Variants in PTPRG observed in about 807,000 individuals in gnomAD.
The protein encoded by PTPRG is protein tyrosine phosphatase receptor type G.
In PTPRG, 102 loss-of-function variants were observed where a neutral mutation model predicts 165.3. That is an observed-to-expected ratio of 0.62 (90% CI 0.53 to 0.73). The LOEUF is 0.73. Among genes scored for constraint, PTPRG ranks in the 30% least tolerant of loss-of-function variants. The pLI is 0.00. For missense variants in PTPRG, 1,866 were observed against 1,861.4 expected, an observed-to-expected ratio of 1.00 and a Z score of -0.05; for synonymous variants, 675 against 669.5, an observed-to-expected ratio of 1.01 and a Z score of -0.13.
At chr3:61,897,771 A>G (rs2038395538) in intron 2 of PTPRG, among the ~76,000 whole-genome samples, 1 of 152,154 alleles carries the variant, frequency 6.6e-6, no homozygotes, top group South Asian at 2.1e-4. Flanking sequence ...AATTTTTAGC[A>G]TACAGATACT....
At chr3:61,611,179 GAGACTT>G (rs1230180969) in intron 1 of PTPRG, among the ~76,000 whole-genome samples, 1 of 152,154 alleles carries the variant, frequency 6.6e-6, no homozygotes, top group Admixed American at 6.5e-5. Context: ...TTAAAAGTAT[GAGACTT>G]AGAGCCAGTA....
At chr3:61,881,829 C>A (rs1387462186) in intron 2 of PTPRG, among the ~76,000 whole-genome samples, 1 of 152,208 alleles carries the variant, frequency 6.6e-6, no homozygotes, top group Non-Finnish European at 1.5e-5. Flanking sequence ...TGGAAAATCA[C>A]AGGCTCTGAT....
At chr3:62,135,916 G>C (rs533710523) in intron 6 of PTPRG, among the ~76,000 whole-genome samples, 78 of 152,312 alleles carry the variant, frequency 5.1e-4, no homozygotes, top group Middle Eastern at 6.8e-3. Context: ...CCCAGCTCTT[G>C]TTCCCCACCA....
At chr3:62,108,235 C>T (rs1199813587) in intron 5 of PTPRG, among the ~76,000 whole-genome samples, 12 of 151,736 alleles carry the variant, frequency 7.9e-5, no homozygotes, top group Non-Finnish European at 1.5e-4. Flanking sequence ...GTGATATTTC[C>T]CCGCTGTATC....
chr3:61,820,953 G>A (rs977042461), intron 2 of PTPRG, among the ~76,000 whole-genome samples: 4 of 151,582 alleles, frequency 2.6e-5, no homozygotes, highest in Non-Finnish European at 4.4e-5. Flanking sequence ...TTTTCATTAC[G>A]CCAAGCATTT....
intron 2 of PTPRG, among the ~76,000 whole-genome samples, chr3:61,945,947 G>A (rs1466427556): frequency 2.0e-5 from 3 of 152,200 alleles, no homozygotes; most frequent in East Asian, 1.9e-4. Context: ...AAACATCACT[G>A]GTGAAATGAG....
intron 2 of PTPRG, among the ~76,000 whole-genome samples, chr3:61,858,350 ACTT>A (rs1175831775): frequency 6.6e-6 from 1 of 152,190 alleles, no homozygotes; most frequent in Non-Finnish European, 1.5e-5. Flanking sequence ...AGTATTCCCA[ACTT>A]CTTCATTTTA....
intron 5 of PTPRG, among the ~76,000 whole-genome samples, chr3:62,107,969 T>C (rs1393346837): frequency 6.6e-6 from 1 of 152,132 alleles, no homozygotes; most frequent in Non-Finnish European, 1.5e-5. Flanking sequence ...ATTTATTACC[T>C]CTCAGTTACA....
At chr3:61,609,624 A>G (rs1394113455) in intron 1 of PTPRG, among the ~76,000 whole-genome samples, 2 of 152,092 alleles carry the variant, frequency 1.3e-5, no homozygotes, top group African/African-American at 4.8e-5. Context: ...CGTGAGGCCG[A>G]GTTGGGTGGA....
chr3:61,708,399 A>C (rs2031370783), intron 1 of PTPRG, among the ~76,000 whole-genome samples: 1 of 150,640 alleles, frequency 6.6e-6, no homozygotes, highest in Non-Finnish European at 1.5e-5. Flanking sequence ...TTAGCTCACC[A>C]AAACTTCTTA....
chr3:62,290,335 ATGTT>A (rs1347589377), intron 28 of PTPRG, among the ~76,000 whole-genome samples: 6 of 152,274 alleles, frequency 3.9e-5, no homozygotes, highest in East Asian at 3.9e-4. Context: ...CCCAACAAAA[ATGTT>A]TGTTTGTGTT....
chr3:62,187,431 A>G (rs1699690428), intron 8 of PTPRG, among the ~76,000 whole-genome samples: 1 of 152,192 alleles, frequency 6.6e-6, no homozygotes, highest in Non-Finnish European at 1.5e-5. Flanking sequence ...TGGTTTCTAT[A>G]TTTTTAAACA....
chr3:62,088,364 AG>A (rs952498936), intron 5 of PTPRG, among the ~76,000 whole-genome samples: 3 of 152,164 alleles, frequency 2.0e-5, no homozygotes, highest in African/African-American at 7.2e-5. Context: ...ATCTCGGTAG[AG>A]GGGGGTCAGT....
At chr3:61,661,682 A>C (rs1702672421) in intron 1 of PTPRG, among the ~76,000 whole-genome samples, 1 of 152,072 alleles carries the variant, frequency 6.6e-6, no homozygotes, top group East Asian at 1.9e-4. Context: ...TTTCTTAATC[A>C]CTTCTCTTTT....
intron 2 of PTPRG, among the ~76,000 whole-genome samples, chr3:61,898,885 T>G (rs904569790): frequency 1.3e-5 from 2 of 152,164 alleles, no homozygotes; most frequent in African/African-American, 4.8e-5. Flanking sequence ...CCTGGACAAC[T>G]TGCTCAATCC....
At chr3:61,911,247 G>A (rs555254269) in intron 2 of PTPRG, among the ~76,000 whole-genome samples, 43 of 152,104 alleles carry the variant, frequency 2.8e-4, no homozygotes, top group Admixed American at 2.7e-3. Flanking sequence ...TGTGAACTTC[G>A]TAATCATGAG....
chr3:62,258,966 C>T (rs1701615306), intron 16 of PTPRG, among the ~76,000 whole-genome samples: 1 of 152,154 alleles, frequency 6.6e-6, no homozygotes, highest in Non-Finnish European at 1.5e-5. Context: ...CTCCATGAGT[C>T]AGAAGAATTA....
intron 12 of PTPRG, among the ~76,000 whole-genome samples, chr3:62,207,262 T>G (rs1700253443): frequency 6.6e-6 from 1 of 152,238 alleles, no homozygotes; most frequent in Non-Finnish European, 1.5e-5. Context: ...AAACTTTGTT[T>G]GCAGAAACAG....
intron 2 of PTPRG, among the ~76,000 whole-genome samples, chr3:61,936,178 C>T (rs1168564722): frequency 6.6e-6 from 1 of 152,122 alleles, no homozygotes; most frequent in Non-Finnish European, 1.5e-5. Flanking sequence ...TTTGGACGTC[C>T]CATCTTCTAG....
Sources: gnomAD v4.1 joint callset for allele counts (sites outside exome capture counted in the v4.1 genomes callset) on GRCh38, gnomAD v4.1.1 for gene constraint, MANE v1.5 for transcripts, NCBI Gene and HGNC (gene_info 2026-07-23, HGNC 2026-07-21) for gene names.